Variants in CMIP observed in about 807,000 individuals in gnomAD.
CMIP encodes C-Maf-inducing protein.
In CMIP, 13 loss-of-function variants were observed where a neutral mutation model predicts 97.3. The ratio of observed to expected loss-of-function variants is 0.13; its 90% CI spans 0.09 to 0.21. The LOEUF is 0.21. CMIP is among the 10% of genes least tolerant of loss of function. CMIP has a pLI of 1.00. For missense variants in CMIP, 847 were observed against 1,024.9 expected (o/e 0.83, Z 2.37); for synonymous variants, 538 against 436.3 (o/e 1.23, Z -2.91).
intron 10 of CMIP, among the ~76,000 whole-genome samples, chr16:81,681,560 C>T (rs1021974764): frequency 7.9e-5 from 12 of 152,210 alleles, no homozygotes; most frequent in Non-Finnish European, 1.6e-4. Context: ...GACACCTCTG[C>T]GAGGTGAACA....
chr16:81,649,784 T>C (rs1213657170), intron 3 of CMIP, among the ~76,000 whole-genome samples: 1 of 149,968 alleles, frequency 6.7e-6, no homozygotes, highest in East Asian at 2.0e-4. Flanking sequence ...CGCTGTGGTT[T>C]GCTTTGGGGC....
At chr16:81,492,749 A>C (rs1419885746) in intron 1 of CMIP, among the ~76,000 whole-genome samples, 1 of 151,814 alleles carries the variant, frequency 6.6e-6, no homozygotes, top group African/African-American at 2.4e-5. Flanking sequence ...CGGAAACGGC[A>C]GGCAGCCGGG....
chr16:81,485,885 A>G (rs984418071), intron 1 of CMIP, among the ~76,000 whole-genome samples: 3 of 152,230 alleles, frequency 2.0e-5, no homozygotes, highest in Non-Finnish European at 4.4e-5. Flanking sequence ...TTGGACCACC[A>G]TACTGTAGAG....
intron 1 of CMIP, among the ~76,000 whole-genome samples, chr16:81,550,830 C>A (rs1282804278): frequency 6.6e-6 from 1 of 151,338 alleles, no homozygotes; most frequent in Non-Finnish European, 1.5e-5. Flanking sequence ...CATTCTGTGC[C>A]CTCCCCAGTT....
chr16:81,521,175 C>G (rs1359784561), intron 1 of CMIP, among the ~76,000 whole-genome samples: 1 of 152,224 alleles, frequency 6.6e-6, no homozygotes, highest in Non-Finnish European at 1.5e-5. Flanking sequence ...ACTGCCCGGT[C>G]GCCGTGACTG....
chr16:81,613,951 C>T (rs2091871794), intron 2 of CMIP, among the ~76,000 whole-genome samples: 1 of 152,182 alleles, frequency 6.6e-6, no homozygotes, highest in Non-Finnish European at 1.5e-5. Flanking sequence ...CACAGTGGTG[C>T]CTAAGTCAGA....
intron 1 of CMIP, among the ~76,000 whole-genome samples, chr16:81,555,553 C>T (rs1300023629): frequency 3.3e-5 from 5 of 152,180 alleles, no homozygotes; most frequent in African/African-American, 7.2e-5. Flanking sequence ...ATACACTGTC[C>T]GCTCCCTGTC....
intron 3 of CMIP, among the ~76,000 whole-genome samples, chr16:81,643,482 G>C (rs879260897): frequency 2.6e-5 from 4 of 152,208 alleles, no homozygotes; most frequent in East Asian, 1.9e-4. Context: ...CGCCGCTGAA[G>C]TGTTCACTGT....
intron 1 of CMIP, among the ~76,000 whole-genome samples, chr16:81,585,621 C>G (rs2091368975): frequency 6.6e-6 from 1 of 152,162 alleles, no homozygotes; most frequent in African/African-American, 2.4e-5. Context: ...TTTCAAGGTT[C>G]ATCCATGTCG....
chr16:81,597,475 G>A (rs1197096586), intron 1 of CMIP, among the ~76,000 whole-genome samples: 1 of 152,058 alleles, frequency 6.6e-6, no homozygotes, highest in African/African-American at 2.4e-5. Flanking sequence ...CCTGCTCAGA[G>A]TGTTCATTTC....
intron 1 of CMIP, among the ~76,000 whole-genome samples, chr16:81,589,259 G>A (rs1046175017): frequency 1.3e-5 from 2 of 151,918 alleles, no homozygotes; most frequent in Non-Finnish European, 2.9e-5. Context: ...ACCACACCCG[G>A]GTAATTTTTC....
At chr16:81,607,766 G>A (rs2150942243) in intron 2 of CMIP, 74 bp downstream of exon 2, 3 of 1,508,580 alleles carry the variant, frequency 2.0e-6, no homozygotes, top group East Asian at 2.3e-5. Flanking sequence ...GTTTCCCTTG[G>A]AGGGAGCCAG....
In CMIP at chr16:81,709,879, T is replaced by C; in HGVS notation, c.*80T>C. On this transcript the variant is annotated 3_prime_UTR_variant, in exon 21 of 21. Transcript: ENST00000537098. ...CTAACAGCCGCAGAGCAGCCGGTCC[T>C]GGGGTCCCACCCTGGTGCCCTGGCT... 6 of 1,186,548 alleles carry C rather than the reference T, an allele frequency of 5.1e-6. No individual in the cohort carries two copies. Among genetic ancestry groups the C allele is most frequent in the Non-Finnish European group, 6.6e-6 (6 of 911,836 alleles). 73.5% of individuals were successfully genotyped at this position (1,186,548 alleles called of 1,614,324 possible).
rs1460945880 is a variant in CMIP, at chr16:81,701,814, T to A, written c.1896+14T>A. On this transcript the variant is annotated intron_variant, in intron 16 of 20. Coordinates refer to ENST00000537098, the MANE Select transcript of CMIP (RefSeq NM_198390.3). The stretch of plus-strand genomic sequence containing the variant: ...CTGAAGGAGCTGGTGAGTCCCCGGC[T>A]GCTCCGGACCACTCCCCTGCCCAGC... The A allele has an allele frequency of 6.2e-7, 1 of 1,612,800 alleles. No homozygotes were observed. Among genetic ancestry groups the A allele is most frequent in the Admixed American group, 1.7e-5 (1 of 60,006 alleles).
At chr16:81,523,744 C>G (rs2090074663) in intron 1 of CMIP, among the ~76,000 whole-genome samples, 1 of 152,244 alleles carries the variant, frequency 6.6e-6, no homozygotes, top group South Asian at 2.1e-4. Flanking sequence ...CTCGTAGCCC[C>G]TGGTGGAGCC....
chr16:81,446,704 G>C (rs578209951), intron 1 of CMIP, among the ~76,000 whole-genome samples: 13 of 152,300 alleles, frequency 8.5e-5, no homozygotes, highest in African/African-American at 2.9e-4. Context: ...CGCTTACATG[G>C]CATGTCACAA....
chr16:81,501,136 G>A (rs1391717701), intron 1 of CMIP, among the ~76,000 whole-genome samples: 12 of 152,220 alleles, frequency 7.9e-5, no homozygotes, highest in East Asian at 1.9e-4. Context: ...AGCGTCCTCC[G>A]TTTTCCTGGA....
At position 81,617,377 on chromosome 16, in the gene CMIP, C is replaced by T. The variant is rs183425138; in HGVS notation, c.427-3499C>T. On this transcript the variant is annotated intron_variant, in intron 2 of 20. Transcript: ENST00000537098. ...GAAGGTGCAGGGCAGGACCCAGCTCCTCCCAGGTGAATTCTCCCTGCCCCA... is the reference window on the plus strand; with the variant it reads ...GAAGGTGCAGGGCAGGACCCAGCTCTTCCCAGGTGAATTCTCCCTGCCCCA... 2.9e-3 allele frequency: 442 copies of T among 152,408 alleles called. 2 individuals are homozygous for T. Among genetic ancestry groups the T allele is most frequent in the Non-Finnish European group, 3.9e-3 (267 of 68,104 alleles). The allele number at this position is 152,408 out of a possible 1,614,324, so 9.4% of individuals were successfully genotyped here.
At chr16:81,588,378 G>A (rs746660595) in intron 1 of CMIP, among the ~76,000 whole-genome samples, 3 of 152,190 alleles carry the variant, frequency 2.0e-5, no homozygotes, top group Non-Finnish European at 4.4e-5. Flanking sequence ...GTCCCTTCCA[G>A]TTGATTCTCT....
Sources: allele counts gnomAD v4.1 joint callset (sites outside exome capture counted in the v4.1 genomes callset), GRCh38; gene constraint gnomAD v4.1.1; transcripts MANE v1.5; gene names NCBI Gene and HGNC (gene_info 2026-07-23, HGNC 2026-07-21).